Variants in PTPRD observed in about 807,000 individuals in gnomAD.
PTPRD encodes the protein protein tyrosine phosphatase receptor type D.
In PTPRD, 34 loss-of-function variants were observed where a neutral mutation model predicts 214.5. The ratio of observed to expected loss-of-function variants is 0.16; its 90% confidence interval spans 0.12 to 0.21. The LOEUF (loss-of-function observed/expected upper bound fraction) is 0.21, where lower values mean the gene tolerates loss of function less well. PTPRD is among the 10% of genes least tolerant of loss of function. The pLI, the probability that PTPRD is intolerant of heterozygous loss-of-function variation, is 1.00. For synonymous variants in PTPRD, 1,128 were observed against 845.7 expected, an observed-to-expected ratio of 1.33 and a Z score of -5.79; for missense variants, 2,545 against 2,398.7, an observed-to-expected ratio of 1.06 and a Z score of -1.27.
intron 8 of PTPRD, among the ~76,000 whole-genome samples, chr9:9,432,123 T>TA (rs2083436241): frequency 6.6e-6 from 1 of 150,468 alleles, no homozygotes; most frequent in South Asian, 2.1e-4. Flanking sequence ...GGGCACGCAA[T>TA]ATATATATCA....
intron 2 of PTPRD, among the ~76,000 whole-genome samples, chr9:10,422,867 C>A (rs1166032228): frequency 6.6e-6 from 1 of 151,996 alleles, no homozygotes; most frequent in Non-Finnish European, 1.5e-5. Flanking sequence ...GGAGTGTAAA[C>A]AAGTTCAACC....
At chr9:9,627,160 C>A (rs2095447809) in intron 7 of PTPRD, among the ~76,000 whole-genome samples, 1 of 152,016 alleles carries the variant, frequency 6.6e-6, no homozygotes, top group African/African-American at 2.4e-5. Context: ...CCAAAAAATA[C>A]AAAAATTAGC....
intron 11 of PTPRD, among the ~76,000 whole-genome samples, chr9:8,734,780 A>T (rs2098699810): frequency 6.6e-6 from 1 of 152,222 alleles, no homozygotes. Flanking sequence ...CCAGATGATT[A>T]GTACAATTTA....
intron 9 of PTPRD, among the ~76,000 whole-genome samples, chr9:9,381,613 A>G (rs933426337): frequency 1.3e-5 from 2 of 152,020 alleles, no homozygotes; most frequent in African/African-American, 4.8e-5. Flanking sequence ...TCGGCCTCCC[A>G]AAGTGCTGAG....
intron 5 of PTPRD, among the ~76,000 whole-genome samples, chr9:9,800,334 T>TA (rs1565365237): frequency 1.3e-5 from 2 of 152,016 alleles, no homozygotes; most frequent in South Asian, 2.1e-4. Context: ...ATCTTGTCTC[T>TA]AAAAAAATAA....
At chr9:10,439,328 TA>T (rs2098743630) in intron 2 of PTPRD, among the ~76,000 whole-genome samples, 1 of 151,842 alleles carries the variant, frequency 6.6e-6, no homozygotes, top group African/African-American at 2.4e-5. Context: ...TGCTGGCAAC[TA>T]ATGCTATCGT....
chr9:10,374,083 T>C (rs1209305216), intron 2 of PTPRD, among the ~76,000 whole-genome samples: 1 of 152,058 alleles, frequency 6.6e-6, no homozygotes, highest in East Asian at 1.9e-4. Flanking sequence ...ATAAAGTAGT[T>C]ATGTATAAGT....
chr9:9,026,624 T>A (rs531801600), intron 10 of PTPRD, among the ~76,000 whole-genome samples: 1 of 152,082 alleles, frequency 6.6e-6, no homozygotes, highest in African/African-American at 2.4e-5. Flanking sequence ...AGCCCGAAGT[T>A]CATTCCTGCT....
chr9:9,563,405 C>A (rs1234998567), intron 8 of PTPRD, among the ~76,000 whole-genome samples: 2 of 152,088 alleles, frequency 1.3e-5, no homozygotes, highest in African/African-American at 4.8e-5. Context: ...ATCAAAGTAG[C>A]TTTGGTTATT....
rs1565223815 is a variant in PTPRD at position 10,313,396 on chromosome 9, T to TCACACACACACACACACA, written c.-545+27566_-545+27567insTGTGTGTGTGTGTGTGTG. On this transcript the variant is annotated intron_variant, in intron 3 of 45. Transcript: ENST00000381196. ...AGACATGGTCAGAGACAGGTACAGA[T>TCACACACACACACACACA]TACACACACACACACACACACAAAT... Among the ~76,000 whole-genome samples, 66 of 91,978 alleles carry TCACACACACACACACACA rather than the reference T, an allele frequency of 7.2e-4. No homozygotes were observed. The South Asian group carries it at 0.024, about 34-fold the overall frequency. The allele number at this position is 91,978 out of a possible 152,430, so 60.3% of individuals were successfully genotyped here.
chr9:8,934,498 T>TATATAA (rs2098981834), intron 11 of PTPRD, among the ~76,000 whole-genome samples: 1 of 30,946 alleles, frequency 3.2e-5, no homozygotes, highest in Non-Finnish European at 5.7e-5. Context: ...TATATAAATA[T>TATATAA]ATATATAAAT....
In PTPRD at chr9:9,576,263, G is replaced by C. The variant is rs574565207; in HGVS notation, c.-286-1482C>G. Among the ~76,000 whole-genome samples, 7 of 152,244 alleles carry C rather than the reference G, an allele frequency of 4.6e-5. No individual in the cohort carries two copies. In the South Asian group the frequency reaches 1.5e-3, roughly 32 times the overall value. The stretch of plus-strand genomic sequence containing the variant: ...TTAGGAAGGATGATCATATGTGAAA[G>C]TGAATCTGACAGTAAAATGAACCAC... On this transcript the variant is annotated intron_variant, in intron 7 of 45. Coordinates refer to ENST00000381196, the MANE Select transcript of PTPRD (RefSeq NM_002839.4).
chr9:8,499,883 C>G (rs766277483), intron 24 of PTPRD, 43 bp from the exon 25 acceptor site: 1 of 1,513,334 alleles, frequency 6.6e-7, no homozygotes, highest in Non-Finnish European at 8.9e-7. Context: ...AGGCACTTGT[C>G]CCACCCTATC....
At chr9:8,686,737 T>C (rs1293613557) in intron 12 of PTPRD, among the ~76,000 whole-genome samples, 2 of 152,012 alleles carry the variant, frequency 1.3e-5, no homozygotes, top group Admixed American at 6.5e-5. Flanking sequence ...AATGAGGAAA[T>C]GGTAAAATAT....
chr9:8,697,583 C>T (rs905140294), intron 12 of PTPRD, among the ~76,000 whole-genome samples: 5 of 151,472 alleles, frequency 3.3e-5, no homozygotes, highest in African/African-American at 4.9e-5. Flanking sequence ...CCACCACACC[C>T]GGCTAATTTT....
chr9:10,532,079 T>C (rs771944596), intron 2 of PTPRD: 3 of 152,276 alleles, frequency 2.0e-5, no homozygotes. Flanking sequence ...AAGCATTAAT[T>C]TAAATTAATG....
intron 39 of PTPRD, among the ~76,000 whole-genome samples, chr9:8,357,475 C>A (rs1229877634): frequency 6.6e-6 from 1 of 152,118 alleles, no homozygotes; most frequent in African/African-American, 2.4e-5. Context: ...AGGGATAAAC[C>A]GAGGGCTGAA....
rs1210677563 is a variant in PTPRD at position 10,052,855 on chromosome 9, T to G, written c.-544-19065A>C. 2.0e-5 allele frequency among the ~76,000 whole-genome samples: 3 copies of G among 152,114 alleles called. No individual in the cohort carries two copies. The East Asian group carries it at 5.8e-4, about 29-fold the overall frequency. ...TCTCTATTTCCCATCTCACCTCCAT[T>G]CCTATGGCAAAGACATACTTAACAT... On this transcript the variant is annotated intron_variant, in intron 3 of 45. Coordinates refer to ENST00000381196, the MANE Select transcript of PTPRD (RefSeq NM_002839.4).
At chr9:9,655,091 C>G (rs1321555853) in intron 7 of PTPRD, among the ~76,000 whole-genome samples, 2 of 151,728 alleles carry the variant, frequency 1.3e-5, no homozygotes, top group Non-Finnish European at 2.9e-5. Flanking sequence ...TTATTCTAAA[C>G]CTATTTTTTT....
Sources: allele counts gnomAD v4.1 joint callset (sites outside exome capture counted in the v4.1 genomes callset), GRCh38; gene constraint gnomAD v4.1.1; transcripts MANE v1.5; gene names NCBI Gene and HGNC (gene_info 2026-07-23, HGNC 2026-07-21).